Variants in FILIP1L observed in about 807,000 individuals in gnomAD.
FILIP1L encodes the protein filamin A-interacting protein 1-like.
A neutral mutation model predicts 96.6 loss-of-function variants in FILIP1L; 55 were observed. That is an observed-to-expected ratio of 0.57 (90% CI 0.46 to 0.71). FILIP1L has a LOEUF of 0.71. Among genes scored for constraint, FILIP1L ranks in the 30% least tolerant of loss-of-function variants. The probability of loss-of-function intolerance (pLI) is 0.00; values close to 1 mark genes in which losing one functional copy is unlikely to be tolerated. For synonymous variants in FILIP1L, 467 were observed against 473.9 expected (o/e 0.99, Z 0.19); for missense variants, 1,304 against 1,321.2 (o/e 0.99, Z 0.20).
chr3:99,868,443 CA>C (rs1362005748), intron 4 of FILIP1L, among the ~76,000 whole-genome samples: 1 of 152,188 alleles, frequency 6.6e-6, no homozygotes, highest in African/African-American at 2.4e-5. Flanking sequence ...AGCCCAGCAG[CA>C]CCAGATGATG....
chr3:100,063,395 T>C, intron 1 of FILIP1L, among the ~76,000 whole-genome samples: 1 of 152,222 alleles, frequency 6.6e-6, no homozygotes, highest in Middle Eastern at 3.4e-3. Flanking sequence ...AATTATTGTA[T>C]TCTTCTTGGT....
intron 1 of FILIP1L, among the ~76,000 whole-genome samples, chr3:99,941,122 G>A (rs1431204669): frequency 1.3e-5 from 2 of 152,056 alleles, no homozygotes; most frequent in Admixed American, 1.3e-4. Context: ...GGGAAGAGAG[G>A]GAAACTAACT....
Position 100,061,154 on chromosome 3 carries a change from T to A in FILIP1L, c.-11+52899A>T, listed in dbSNP as rs566838027. Among the ~76,000 whole-genome samples, 72 of 151,958 alleles carry A rather than the reference T, an allele frequency of 4.7e-4. 1 individual carries two copies. The highest frequency in any genetic ancestry group is 1.0e-3 in the South Asian group (5 of 4,802). On this transcript the variant is annotated intron_variant, in intron 1 of 5. Coordinates refer to ENST00000477258, the MANE Select transcript of FILIP1L (RefSeq NM_001387850.1). ...TGTTAAAATTTAAAAAAAAAAAAAA[T>A]TTTAAAAGGAAGGAAGGGTACAATT...
intron 1 of FILIP1L, among the ~76,000 whole-genome samples, chr3:100,003,884 A>G (rs1709912850): frequency 6.6e-6 from 1 of 152,228 alleles, no homozygotes; most frequent in African/African-American, 2.4e-5. Context: ...CAGCAAATGA[A>G]TATAAAGAGA....
intron 3 of FILIP1L, among the ~76,000 whole-genome samples, chr3:99,929,357 G>T (rs979766358): frequency 2.0e-5 from 3 of 152,102 alleles, no homozygotes; most frequent in African/African-American, 7.2e-5. Flanking sequence ...TAAAATATAT[G>T]TTTTTAAAAA....
chr3:99,921,476 G>A (rs7646221), intron 4 of FILIP1L, among the ~76,000 whole-genome samples: 1,713 of 152,312 alleles, frequency 0.011, 18 homozygotes, highest in African/African-American at 0.025. Flanking sequence ...TACTGGAATT[G>A]TGATGTTCAG....
At chr3:99,978,517 A>G (rs1709032473) in intron 1 of FILIP1L, among the ~76,000 whole-genome samples, 1 of 152,242 alleles carries the variant, frequency 6.6e-6, no homozygotes, top group African/African-American at 2.4e-5. Context: ...CATATTGTTA[A>G]GTGAAATAAG....
chr3:99,963,430 G>A (rs1408622537), intron 1 of FILIP1L, among the ~76,000 whole-genome samples: 1 of 152,144 alleles, frequency 6.6e-6, no homozygotes, highest in African/African-American at 2.4e-5. Flanking sequence ...TAAGGATATA[G>A]CACAGAAGTA....
At chr3:99,983,470 A>ATC (rs1709222434) in intron 1 of FILIP1L, among the ~76,000 whole-genome samples, 1 of 9,864 alleles carries the variant, frequency 1.0e-4, no homozygotes, top group Non-Finnish European at 2.1e-4. Context: ...GTGTGTATAT[A>ATC]TATATATATA....
chr3:99,960,601 T>C (rs568199471), intron 1 of FILIP1L, among the ~76,000 whole-genome samples: 1 of 152,322 alleles, frequency 6.6e-6, no homozygotes, highest in East Asian at 1.9e-4. Context: ...CCCTCCCTCC[T>C]ACAGTCTTTT....
chr3:99,949,597 C>T (rs1172570656), intron 1 of FILIP1L, among the ~76,000 whole-genome samples: 1 of 152,176 alleles, frequency 6.6e-6, no homozygotes, highest in Non-Finnish European at 1.5e-5. Flanking sequence ...ACTAACATGG[C>T]TGTATTTCAA....
intron 1 of FILIP1L, among the ~76,000 whole-genome samples, chr3:99,960,615 C>T (rs1281899133): frequency 6.6e-6 from 1 of 152,116 alleles, no homozygotes; most frequent in African/African-American, 2.4e-5. Flanking sequence ...GTCTTTTTAC[C>T]TGCTTCCTAA....
intron 4 of FILIP1L, among the ~76,000 whole-genome samples, chr3:99,909,495 T>A (rs974766748): frequency 7.2e-5 from 11 of 152,132 alleles, no homozygotes; most frequent in African/African-American, 2.7e-4. Context: ...AATTTGTGAA[T>A]AATGAAAAGT....
At chr3:99,931,685 A>C (rs921491319) in intron 1 of FILIP1L, among the ~76,000 whole-genome samples, 1 of 152,218 alleles carries the variant, frequency 6.6e-6, no homozygotes, top group African/African-American at 2.4e-5. Flanking sequence ...GGGTAAGTCA[A>C]GGGCTTATAT....
At chr3:99,903,370 G>A (rs997267827) in intron 4 of FILIP1L, among the ~76,000 whole-genome samples, 3 of 151,932 alleles carry the variant, frequency 2.0e-5, no homozygotes, top group African/African-American at 7.3e-5. Flanking sequence ...TCCTGCCTCA[G>A]CCTCCTGAGT....
intron 1 of FILIP1L, among the ~76,000 whole-genome samples, chr3:100,056,779 C>G (rs371445285): frequency 6.6e-6 from 1 of 151,672 alleles, no homozygotes; most frequent in Non-Finnish European, 1.5e-5. Context: ...GCAGGCCGGG[C>G]GGATCACGAG....
intron 1 of FILIP1L, among the ~76,000 whole-genome samples, chr3:100,006,154 T>C (rs372518631): frequency 1.3e-5 from 2 of 152,184 alleles, no homozygotes; most frequent in East Asian, 3.8e-4. Context: ...CAGGTAGGTA[T>C]ACTGGTGGTT....
At chr3:99,931,075 T>G in intron 1 of FILIP1L, 45 bp from the exon 2 acceptor site, 1 of 1,531,006 alleles carries the variant, frequency 6.5e-7, no homozygotes, top group Non-Finnish European at 8.9e-7. Context: ...GGAAATGGAG[T>G]TTTAATAAGA....
chr3:100,112,147 T>C (rs1008614669), intron 1 of FILIP1L, among the ~76,000 whole-genome samples: 18 of 152,238 alleles, frequency 1.2e-4, no homozygotes, highest in African/African-American at 4.3e-4. Flanking sequence ...TTACTGTGTA[T>C]TGCTGGTAGG....
Sources: allele counts gnomAD v4.1 joint callset (sites outside exome capture counted in the v4.1 genomes callset), GRCh38; gene constraint gnomAD v4.1.1; transcripts MANE v1.5; gene names NCBI Gene and HGNC (gene_info 2026-07-23, HGNC 2026-07-21).